Variants in ATR observed in about 807,000 individuals in gnomAD.
The protein encoded by ATR is ATR checkpoint kinase.
In ATR, 142 loss-of-function variants were observed where a neutral mutation model predicts 305.3. The observed-to-expected ratio is 0.47, with a 90% CI of 0.41 to 0.53. ATR has a LOEUF of 0.53. Ranked by LOEUF, ATR falls within the 20% of genes least tolerant of loss-of-function variation. The pLI, the probability that ATR is intolerant of heterozygous loss-of-function variation, is 0.00. For synonymous variants in ATR, 1,050 were observed against 1,068.1 expected (o/e 0.98, Z 0.33); for missense variants, 2,135 against 3,133.1 (o/e 0.68, Z 7.60).
intron 3 of ATR, among the ~76,000 whole-genome samples, chr3:142,563,443 C>T (rs2034956379): frequency 1.3e-5 from 2 of 152,120 alleles, no homozygotes; most frequent in Non-Finnish European, 2.9e-5. Flanking sequence ...TCATTATTAT[C>T]GTATCTGTTA....
chr3:142,488,808 T>C (rs558352416), intron 35 of ATR, among the ~76,000 whole-genome samples: 79 of 152,358 alleles, frequency 5.2e-4, no homozygotes, highest in African/African-American at 1.8e-3. Flanking sequence ...TAATTGTCAA[T>C]TACCTGTTAG....
chr3:142,562,191 A>C (rs1269499691), intron 4 of ATR, 41 bp downstream of exon 4: 6 of 1,605,378 alleles, frequency 3.7e-6, no homozygotes, highest in African/African-American at 1.3e-5. Context: ...TAAATGATGA[A>C]CAAAATACAT....
chr3:142,472,591 C>A (rs1170736134), intron 36 of ATR, among the ~76,000 whole-genome samples: 3 of 151,858 alleles, frequency 2.0e-5, no homozygotes, highest in Non-Finnish European at 4.4e-5. Flanking sequence ...TCTGCTCAGA[C>A]CCTTTTCCCA....
At chr3:142,473,709 C>A (rs909370866) in intron 36 of ATR, among the ~76,000 whole-genome samples, 8 of 151,882 alleles carry the variant, frequency 5.3e-5, no homozygotes, top group African/African-American at 1.9e-4. Flanking sequence ...CCATGCCCAG[C>A]TAATTTTCTG....
At chr3:142,546,600 T>C (rs1394310516) in intron 16 of ATR, among the ~76,000 whole-genome samples, 1 of 152,186 alleles carries the variant, frequency 6.6e-6, no homozygotes, top group Non-Finnish European at 1.5e-5. Context: ...GCCAGTTACA[T>C]AGTCCTGAGT....
chr3:142,499,118 C>A, intron 31 of ATR: 1 of 373,186 alleles, frequency 2.7e-6, no homozygotes, highest in Non-Finnish European at 5.1e-6. Context: ...TGGCTTCAAG[C>A]AATCCTCCCA....
At chr3:142,570,490 G>T (rs1246864536) in intron 1 of ATR, among the ~76,000 whole-genome samples, 1 of 152,056 alleles carries the variant, frequency 6.6e-6, no homozygotes, top group Non-Finnish European at 1.5e-5. Context: ...GGGTTCAAGC[G>T]ATTCTCCTGC....
At chr3:142,574,168 A>G (rs1457635269) in intron 1 of ATR, among the ~76,000 whole-genome samples, 2 of 152,190 alleles carry the variant, frequency 1.3e-5, no homozygotes, top group Non-Finnish European at 2.9e-5. Context: ...ATCTACTATC[A>G]GAAGAAAGAA....
Position 142,449,318 on chromosome 3 carries a change from G to A in ATR, c.*111C>T. The A allele has an allele frequency of 1.0e-6, 1 of 967,588 alleles. No homozygotes were observed. The highest frequency in any genetic ancestry group is 1.6e-6 in the Non-Finnish European group (1 of 633,764). 59.9% of individuals were successfully genotyped at this position (967,588 alleles called of 1,614,324 possible). A position where few individuals can be genotyped will look rare whatever the true frequency, so the allele number is the denominator to read the frequency against. On this transcript the variant is annotated 3_prime_UTR_variant, in exon 47 of 47. Transcript: ENST00000350721. ...TAATGATCAGAGAGAAATAACAGTT[G>A]CTGAGAACGTAAATTTATGTTGTAC...
rs1390798686 is a variant in ATR at position 142,528,875 on chromosome 3, A to ATT, written c.3946-4677_3946-4676insAA. 9.2e-4 allele frequency among the ~76,000 whole-genome samples: 43 copies of ATT among 46,614 alleles called. 1 individual carries two copies. Among genetic ancestry groups the ATT allele is most frequent in the East Asian group, 1.2e-3 (3 of 2,468 alleles). The allele number at this position is 46,614 out of a possible 152,430, so 30.6% of individuals were successfully genotyped here. A position where few individuals can be genotyped will look rare whatever the true frequency, so the allele number is the denominator to read the frequency against. On this transcript the variant is annotated intron_variant, in intron 21 of 46. Coordinates refer to ENST00000350721, the MANE Select transcript of ATR (RefSeq NM_001184.4). ...TTATCATATATATATATATATATATATATATTTTTTTTTTTTTTTTTTTTT... is the reference window on the plus strand; with the variant it reads ...TTATCATATATATATATATATATATATTTATATTTTTTTTTTTTTTTTTTTTT...
chr3:142,501,939 G>T (rs1014625532), intron 30 of ATR, among the ~76,000 whole-genome samples: 1 of 152,118 alleles, frequency 6.6e-6, no homozygotes, highest in Admixed American at 6.5e-5. Flanking sequence ...TAGAGATGGG[G>T]TTTTACCATG....
At position 142,457,667 on chromosome 3, in the gene ATR, A is replaced by G. The variant is rs2108257531; in HGVS notation, c.7592T>C (p.Leu2531Pro). Residue 2531 changes from leucine to proline, a missense_variant, in exon 45 of 47, where the codon CTT becomes CCT. Physicochemically the swap from Leu to Pro is moderately conservative, Grantham distance 98. Around this residue, in one of 9 missense-constraint regions of ATR, gnomAD observed 462 missense variants for 887.6 expected, o/e 0.52. Coordinates refer to ENST00000350721, the MANE Select transcript of ATR (RefSeq NM_001184.4). Reference protein sequence around the residue: ...NGMGPMGTEGLFRRACEVTMR... With the variant: ...NGMGPMGTEGPFRRACEVTMR... The stretch of plus-strand genomic sequence containing the variant: ...TGTAACTTCACATGCTCTTCGAAAA[A>G]GACCCTCTGTTCCCATAGGACCCAT... The G allele has an allele frequency of 6.2e-7, 1 of 1,614,062 alleles. No individual in the cohort carries two copies. The highest frequency in any genetic ancestry group is 8.5e-7 in the Non-Finnish European group (1 of 1,179,966).
At chr3:142,521,667 A>G (rs2033154740) in intron 23 of ATR, among the ~76,000 whole-genome samples, 1 of 152,196 alleles carries the variant, frequency 6.6e-6, no homozygotes, top group South Asian at 2.1e-4. Flanking sequence ...ATTTCAGTGG[A>G]GGAAGTAACT....
At chr3:142,563,246 A>T in intron 3 of ATR, 137 bp from the exon 4 acceptor site, 1 of 922,062 alleles carries the variant, frequency 1.1e-6, no homozygotes, top group South Asian at 1.8e-5. Flanking sequence ...CACAATGGAA[A>T]CATAATAGTT....
intron 36 of ATR, among the ~76,000 whole-genome samples, chr3:142,480,136 G>A (rs1310795485): frequency 6.6e-6 from 1 of 152,236 alleles, no homozygotes; most frequent in African/African-American, 2.4e-5. Flanking sequence ...GTGAGGAGCT[G>A]CGTTCCTTTG....
At chr3:142,503,318 A>T in intron 30 of ATR, 44 bp downstream of exon 30, 1 of 1,379,750 alleles carries the variant, frequency 7.2e-7, no homozygotes, top group Non-Finnish European at 1.0e-6. Context: ...AAAATTCTCC[A>T]TTCAGATGCA....
At position 142,503,375 on chromosome 3, in the gene ATR, C is replaced by T. The variant is rs987225178; in HGVS notation, c.5275G>A (p.Val1759Met). ...LSTVITQVNG[V>M]HANRSEWTDE... The stretch of plus-strand genomic sequence containing the variant: ...ATAAAATATTACCTGTTAGCATGCA[C>T]TCCATTCACCTGAGTGATAACAGTA... Residue 1759 changes from valine to methionine, a missense_variant, in exon 30 of 47, where the codon GTG becomes ATG. This residue lies in a region of ATR where 117 missense variants were observed against 198.3 expected (regional missense o/e 0.59). Transcript: ENST00000350721. 2 of 1,604,470 alleles carry T rather than the reference C, an allele frequency of 1.2e-6. No individual in the cohort carries two copies. The highest frequency in any genetic ancestry group is 1.7e-6 in the Non-Finnish European group (2 of 1,171,586).
Position 142,512,463 on chromosome 3 carries a change from G to A in ATR, c.4649C>T (p.Ala1550Val), listed in dbSNP as rs184380561. The change falls in exon 27 of 47, where the codon GCA (alanine) becomes GTA (valine). Residue 1550 changes from alanine (A) to valine (V), a missense_variant. Ala to Val is a moderately conservative substitution (Grantham distance 64). Transcript: ENST00000350721. ...CNQEDQQEVY[A>V]EIMAVLKHDD... ...ATGCTTTAGAACTGCCATAATTTCTGCATAAACCTATGAGAATCATTTATA... is the reference window on the plus strand; with the variant it reads ...ATGCTTTAGAACTGCCATAATTTCTACATAAACCTATGAGAATCATTTATA... The A allele has an allele frequency of 2.7e-5, 44 of 1,604,120 alleles. No individual in the cohort carries two copies. The East Asian group carries it at 8.5e-4, about 31-fold the overall frequency.
intron 45 of ATR, among the ~76,000 whole-genome samples, chr3:142,455,835 T>G (rs2070893599): frequency 6.6e-6 from 1 of 152,216 alleles, no homozygotes; most frequent in South Asian, 2.1e-4. Flanking sequence ...AGGGAATAGT[T>G]TCTTAGATAT....
Sources: allele counts gnomAD v4.1 joint callset (sites outside exome capture counted in the v4.1 genomes callset), GRCh38; gene constraint gnomAD v4.1.1; regional missense constraint gnomAD v4.1.1; transcripts MANE v1.5; gene names NCBI Gene and HGNC (gene_info 2026-07-23, HGNC 2026-07-21).